NPR2: variants seen among roughly 807,000 people sequenced by gnomAD.
NPR2 encodes the protein natriuretic peptide receptor 2.
A neutral mutation model predicts 120.7 loss-of-function variants in NPR2; 49 were observed. The observed-to-expected ratio is 0.41, with a 90% confidence interval of 0.32 to 0.52. The LOEUF is 0.52. Among genes scored for constraint, NPR2 ranks in the 20% least tolerant of loss-of-function variants. The pLI is 0.36. For synonymous variants in NPR2, 484 were observed against 519.8 expected, an observed-to-expected ratio of 0.93 and a Z score of 0.94; for missense variants, 931 against 1,362.9, an observed-to-expected ratio of 0.68 and a Z score of 4.99.
chr9:35,800,345 G>C lies in NPR2; in HGVS notation c.1124-44G>C. The C allele has an allele frequency of 6.4e-7, 1 of 1,563,048 alleles. No homozygotes were observed. The highest frequency in any genetic ancestry group is 8.8e-7 in the Non-Finnish European group (1 of 1,133,478). On this transcript the variant is annotated intron_variant, in intron 4 of 21. Transcript: ENST00000342694. The surrounding 1 kb of genome is among the most constrained non-coding windows in gnomAD (Gnocchi z 4.7). ...GTAGGCATGAGTGAGTGGGAGAGGA[G>C]CCCAGGGTAGACCTCAAAGAAAGGA...
rs748293242 is a variant in NPR2 at position 35,809,610 on chromosome 9, T to C, written c.*165T>C. On this transcript the variant is annotated 3_prime_UTR_variant, in exon 22 of 22. Transcript: ENST00000342694. The surrounding 1 kb of genome is among the most constrained non-coding windows in gnomAD (Gnocchi z 4.1). ...GTTGTAGCCCTCTGCAGCTCAGCCC[T>C]GTACATATACCTGTCCCTCTCTGGC... is the stretch of plus-strand genomic sequence containing the variant. The C allele has an allele frequency of 1.7e-6, 2 of 1,205,178 alleles. No homozygotes were observed. The highest frequency in any genetic ancestry group is 2.4e-5 in the South Asian group (2 of 82,598). 74.7% of individuals were successfully genotyped at this position (1,205,178 alleles called of 1,614,324 possible).
intron 2 of NPR2, among the ~76,000 whole-genome samples, chr9:35,794,684 G>A (rs1286032036): frequency 2.6e-5 from 4 of 152,150 alleles, no homozygotes; most frequent in South Asian, 2.1e-4. Flanking sequence ...AGGAATGGGC[G>A]TGTTTGAGAG....
Position 35,809,555 on chromosome 9 carries a change from C to T in NPR2, c.*110C>T, listed in dbSNP as rs1452650045. Reference sequence around the variant, plus strand: ...GGACATTTTCATATGCAATGGAAAACAGCCACAAAAAAACCTACCTTATAT... The same window carrying T: ...GGACATTTTCATATGCAATGGAAAATAGCCACAAAAAAACCTACCTTATAT... On this transcript the variant is annotated 3_prime_UTR_variant, in exon 22 of 22. Coordinates refer to ENST00000342694, the MANE Select transcript of NPR2 (RefSeq NM_003995.4). This position sits in a 1 kb window ranked among gnomAD's most constrained non-coding sequence, Gnocchi z 4.1. 4 of 1,579,982 alleles carry T rather than the reference C, an allele frequency of 2.5e-6. No homozygotes were observed. The highest frequency in any genetic ancestry group is 3.5e-6 in the Non-Finnish European group (4 of 1,149,766).
chr9:35,808,976 A>G lies in NPR2; in HGVS notation c.2986+123A>G. 1.1e-6 allele frequency: 1 copy of G among 932,054 alleles called. No individual in the cohort carries two copies. The highest frequency in any genetic ancestry group is 1.8e-6 in the Non-Finnish European group (1 of 565,408). 57.7% of individuals were successfully genotyped at this position (932,054 alleles called of 1,614,324 possible). A position where few individuals can be genotyped will look rare whatever the true frequency, so the allele number is the denominator to read the frequency against. ...GTTCCTTAGTGTCGCATCCTCGGGC[A>G]TATTTTGGTTCTAATAGATATGCAT... On this transcript the variant is annotated intron_variant, in intron 20 of 21. Coordinates refer to ENST00000342694, the MANE Select transcript of NPR2 (RefSeq NM_003995.4). This position sits in a 1 kb window ranked among gnomAD's most constrained non-coding sequence, Gnocchi z 4.0.
At chr9:35,807,535 G>C (rs1277629368) in intron 18 of NPR2, 137 bp downstream of exon 18, 19 of 770,536 alleles carry the variant, frequency 2.5e-5, no homozygotes, top group Non-Finnish European at 4.5e-5. Context: ...CCTGGTGCTG[G>C]AGTGTACTTC....
chr9:35,793,844 T>A, intron 1 of NPR2, 54 bp from the exon 2 acceptor site: 2 of 1,563,174 alleles, frequency 1.3e-6, no homozygotes, highest in Non-Finnish European at 1.8e-6. Flanking sequence ...GGGGGCTGTG[T>A]GGGGGACCTG....
intron 1 of NPR2, 136 bp downstream of exon 1, chr9:35,793,211 G>A (rs1827843104): frequency 2.1e-6 from 2 of 950,644 alleles, no homozygotes; most frequent in Non-Finnish European, 3.1e-6. Flanking sequence ...AGCACACGTG[G>A]ACAGAGCACC....
At chr9:35,807,206 C>A (rs1324555910) in intron 17 of NPR2, 60 bp downstream of exon 17, 10 of 1,484,316 alleles carry the variant, frequency 6.7e-6, no homozygotes, top group African/African-American at 5.5e-5. Context: ...CTGGGGAAGC[C>A]TCATTGATAA....
At chr9:35,798,819 T>A (rs565884131) in intron 2 of NPR2, among the ~76,000 whole-genome samples, 1 of 152,158 alleles carries the variant, frequency 6.6e-6, no homozygotes, top group Non-Finnish European at 1.5e-5. Flanking sequence ...GCAGGCACTT[T>A]GGTGAGAGAC....
At position 35,800,992 on chromosome 9, in the gene NPR2, C is replaced by T; in HGVS notation, c.1352-78C>T. On this transcript the variant is annotated intron_variant, in intron 6 of 21. Transcript: ENST00000342694. This position sits in a 1 kb window ranked among gnomAD's most constrained non-coding sequence, Gnocchi z 4.7. ...TTCTTCCTACTCCCAAGGAGTCTGT[C>T]TATGCACCTATGCACCCCGTTCTCC... 1.3e-6 allele frequency: 2 copies of T among 1,490,246 alleles called. No homozygotes were observed. Among genetic ancestry groups the T allele is most frequent in the South Asian group, 2.3e-5 (2 of 88,612 alleles). The allele number at this position is 1,490,246 out of a possible 1,614,324, so 92.3% of individuals were successfully genotyped here.
intron 2 of NPR2, among the ~76,000 whole-genome samples, chr9:35,799,265 G>C (rs1248194391): frequency 1.3e-5 from 2 of 152,130 alleles, no homozygotes; most frequent in Non-Finnish European, 2.9e-5. Flanking sequence ...GGCCTGGCAG[G>C]AACCTGGATG....
At chr9:35,796,937 G>A (rs537418307) in intron 2 of NPR2, among the ~76,000 whole-genome samples, 1 of 152,350 alleles carries the variant, frequency 6.6e-6, no homozygotes, top group Admixed American at 6.5e-5. Flanking sequence ...GAGGAAAGGA[G>A]GCCTTGACAC....
rs1485735290 is a variant in NPR2, at chr9:35,802,061, C to G, written c.1632+61C>G. Reference sequence around the variant, plus strand: ...TTCATCCTGTCTCATCCCCATCTGCCACCTCTGCCCCTGAACCTCTGTCCC... The same window carrying G: ...TTCATCCTGTCTCATCCCCATCTGCGACCTCTGCCCCTGAACCTCTGTCCC... On this transcript the variant is annotated intron_variant, in intron 9 of 21. Coordinates refer to ENST00000342694, the MANE Select transcript of NPR2 (RefSeq NM_003995.4). The surrounding 1 kb of genome is among the most constrained non-coding windows in gnomAD (Gnocchi z 4.2). 4 of 1,512,676 alleles carry G rather than the reference C, an allele frequency of 2.6e-6. No homozygotes were observed. The highest frequency in any genetic ancestry group is 2.8e-6 in the Non-Finnish European group (3 of 1,087,508). The allele number at this position is 1,512,676 out of a possible 1,614,324, so 93.7% of individuals were successfully genotyped here.
Position 35,805,417 on chromosome 9 carries a change from G to T in NPR2, c.1888-94G>T. On this transcript the variant is annotated intron_variant, in intron 12 of 21. Transcript: ENST00000342694. The surrounding 1 kb of genome is among the most constrained non-coding windows in gnomAD (Gnocchi z 4.9). ...CAGCTTATTATTTTTGTGGACCCAAGATCTGTAGACAGCTAGCCAGTGCCC... is the reference window on the plus strand; with the variant it reads ...CAGCTTATTATTTTTGTGGACCCAATATCTGTAGACAGCTAGCCAGTGCCC... 7.8e-7 allele frequency: 1 copy of T among 1,280,958 alleles called. No individual in the cohort carries two copies. The highest frequency in any genetic ancestry group is 1.2e-5 in the South Asian group (1 of 83,944). 79.3% of individuals were successfully genotyped at this position (1,280,958 alleles called of 1,614,324 possible). A position where few individuals can be genotyped will look rare whatever the true frequency, so the allele number is the denominator to read the frequency against.
At position 35,799,696 on chromosome 9, in the gene NPR2, C is replaced by T. The variant is rs764711038; in HGVS notation, c.952C>T (p.Arg318Trp). ...EFQNRLLIRA[R>W]EDFGVELGPS... ...CCAGAATCGTCTGCTGATAAGAGCC[C>T]GGGAAGACTTTGGTGTGGAGCTGGG... Residue 318 changes from arginine (R) to tryptophan (W), a missense_variant, in exon 3 of 22, where the codon CGG (arginine) becomes TGG (tryptophan). Arg to Trp is a moderately radical substitution (Grantham distance 101). Transcript: ENST00000342694. 3.5e-5 allele frequency: 56 copies of T among 1,613,818 alleles called. 1 individual carries two copies. In the Middle Eastern group the frequency reaches 6.6e-4, roughly 19 times the overall value.
intron 1 of NPR2, among the ~76,000 whole-genome samples, 155 bp downstream of exon 1, chr9:35,793,230 G>A (rs556611386): frequency 6.6e-6 from 1 of 152,290 alleles, no homozygotes; most frequent in Non-Finnish European, 1.5e-5. Context: ...CCTGTGAGAG[G>A]GCCAAGGCTT....
At position 35,802,315 on chromosome 9, in the gene NPR2, T is replaced by C. The variant is rs1470630897; in HGVS notation, c.1710+32T>C. ...AACAGAGGATGGACTCTAACATGTA[T>C]GTAATGGAGGAGTGGGGAAAACTAT... On this transcript the variant is annotated intron_variant, in intron 10 of 21. Coordinates refer to ENST00000342694, the MANE Select transcript of NPR2 (RefSeq NM_003995.4). The surrounding 1 kb of genome is among the most constrained non-coding windows in gnomAD (Gnocchi z 4.2). 5 of 1,300,774 alleles carry C rather than the reference T, an allele frequency of 3.8e-6. No homozygotes were observed. Among genetic ancestry groups the C allele is most frequent in the Non-Finnish European group, 4.5e-6 (4 of 896,912 alleles). The allele number at this position is 1,300,774 out of a possible 1,614,324, so 80.6% of individuals were successfully genotyped here. A position where few individuals can be genotyped will look rare whatever the true frequency, so the allele number is the denominator to read the frequency against.
In NPR2 at chr9:35,806,567, T is replaced by G. The variant is rs1327794150; in HGVS notation, c.2519+29T>G. ...AGACTTTGTCCCCCTTCCTGTATTT[T>G]CTTTTGGGATTCTGCTCTGTTGGGC... On this transcript the variant is annotated intron_variant, in intron 16 of 21. Coordinates refer to ENST00000342694, the MANE Select transcript of NPR2 (RefSeq NM_003995.4). This position sits in a 1 kb window ranked among gnomAD's most constrained non-coding sequence, Gnocchi z 4.6. 1 of 1,613,886 alleles carries G rather than the reference T, an allele frequency of 6.2e-7. No individual in the cohort carries two copies. The highest frequency in any genetic ancestry group is 2.2e-5 in the East Asian group (1 of 44,882).
Position 35,801,664 on chromosome 9 carries a change from G to C in NPR2, c.1458G>C (p.Glu486Asp). The change falls in exon 8 of 22, where the codon GAG becomes GAC. Residue 486 changes from glutamate (E) to aspartate (D), a missense_variant. Physicochemically the swap from Glu to Asp is conservative, Grantham distance 45. Coordinates refer to ENST00000342694, the MANE Select transcript of NPR2 (RefSeq NM_003995.4). ...LIFRKLMLEKELASMLWRIRW... is the reference protein window; with the variant it reads ...LIFRKLMLEKDLASMLWRIRW... ...ACAGAAAGCTGATGCTGGAGAAGGA[G>C]CTGGCTAGCATGTTGTGGCGTATTC... The C allele has an allele frequency of 6.2e-7, 1 of 1,614,172 alleles. No individual in the cohort carries two copies. Among genetic ancestry groups the C allele is most frequent in the Non-Finnish European group, 8.5e-7 (1 of 1,179,976 alleles).
Sources: allele counts gnomAD v4.1 joint callset (sites outside exome capture counted in the v4.1 genomes callset), GRCh38; gene constraint gnomAD v4.1.1; non-coding constraint Gnocchi (gnomAD v3.1); transcripts MANE v1.5; gene names NCBI Gene and HGNC (gene_info 2026-07-23, HGNC 2026-07-21).